The following GNA12 variants were observed in gnomAD, a reference collection of about 807,000 sequenced individuals.
GNA12 encodes guanine nucleotide-binding protein subunit alpha-12.
In GNA12, 9 loss-of-function variants were observed where a neutral mutation model predicts 26.0. That is an observed-to-expected ratio of 0.35 (90% CI 0.21 to 0.60). The LOEUF (loss-of-function observed/expected upper bound fraction) is 0.60, where lower values mean the gene tolerates loss of function less well. Ranked by LOEUF, GNA12 falls within the 20% of genes least tolerant of loss-of-function variation. The pLI, the probability that GNA12 is intolerant of heterozygous loss-of-function variation, is 0.78. For missense variants in GNA12, 405 were observed against 525.8 expected, an observed-to-expected ratio of 0.77 and a Z score of 2.25; for synonymous variants, 264 against 219.6, an observed-to-expected ratio of 1.20 and a Z score of -1.79.
At chr7:2,809,713 T>C (rs1028587005) in intron 1 of GNA12, among the ~76,000 whole-genome samples, 4 of 152,196 alleles carry the variant, frequency 2.6e-5, no homozygotes, top group African/African-American at 4.8e-5. Context: ...AACAGCTTAC[T>C]TTACTGTGGT....
rs113441680 is a variant in GNA12 at position 2,803,797 on chromosome 7, AC to A, written c.310-8655del. 3.4e-3 allele frequency among the ~76,000 whole-genome samples: 510 copies of A among 150,164 alleles called. 4 individuals are homozygous for A. Among genetic ancestry groups the A allele is most frequent in the African/African-American group, 9.8e-3 (403 of 41,124 alleles). On this transcript the variant is annotated intron_variant, in intron 1 of 3. Coordinates refer to ENST00000275364, the MANE Select transcript of GNA12 (RefSeq NM_007353.3). ...GAAAAGGTTTTCCTAAAAGTCCAAA[AC>A]AAAACAAAACAAAACAAACAAACAA...
intron 2 of GNA12, among the ~76,000 whole-genome samples, chr7:2,785,381 T>C (rs187731499): frequency 4.1e-4 from 63 of 152,236 alleles, no homozygotes; most frequent in Non-Finnish European, 4.4e-4. Context: ...TCAAATAGGA[T>C]TTGGTAGGGG....
rs57688537 is a variant in GNA12, at chr7:2,759,424, G to C, written c.526-25923C>G. ...ACTCACGGTGTGTTATTACTGTTCT[G>C]TCCATGTGACAGATGGGAAGACTGA... On this transcript the variant is annotated intron_variant, in intron 2 of 3. Coordinates refer to ENST00000275364, the MANE Select transcript of GNA12 (RefSeq NM_007353.3). 4.9e-3 allele frequency among the ~76,000 whole-genome samples: 748 copies of C among 152,242 alleles called. 4 individuals carry two copies. Among genetic ancestry groups the C allele is most frequent in the African/African-American group, 0.017 (687 of 41,538 alleles).
At chr7:2,818,607 A>C (rs1793269224) in intron 1 of GNA12, among the ~76,000 whole-genome samples, 1 of 152,162 alleles carries the variant, frequency 6.6e-6, no homozygotes, top group Non-Finnish European at 1.5e-5. Context: ...TAATAAAAAT[A>C]CAAACAATAT....
intron 1 of GNA12, among the ~76,000 whole-genome samples, chr7:2,824,558 C>A (rs1283856598): frequency 1.3e-5 from 2 of 152,178 alleles, no homozygotes; most frequent in Admixed American, 1.3e-4. Flanking sequence ...CCCTGTGGAT[C>A]GTCTGTTTCC....
intron 2 of GNA12, among the ~76,000 whole-genome samples, chr7:2,759,672 T>G (rs1791466811): frequency 6.6e-6 from 1 of 152,248 alleles, no homozygotes; most frequent in South Asian, 2.1e-4. Flanking sequence ...ACGCTGTGCC[T>G]ATTTTTTCAG....
At chr7:2,833,037 GA>G (rs1364070234) in intron 1 of GNA12, among the ~76,000 whole-genome samples, 1 of 152,236 alleles carries the variant, frequency 6.6e-6, no homozygotes, top group East Asian at 1.9e-4. Flanking sequence ...CTCACAGAGA[GA>G]AAGACTAACC....
At chr7:2,838,404 C>T (rs1182359866) in intron 1 of GNA12, among the ~76,000 whole-genome samples, 1 of 152,042 alleles carries the variant, frequency 6.6e-6, no homozygotes. Flanking sequence ...TAGTGGAACC[C>T]TATCTACAAA....
At chr7:2,842,937 GT>G (rs1404730039) in intron 1 of GNA12, among the ~76,000 whole-genome samples, 1 of 152,198 alleles carries the variant, frequency 6.6e-6, no homozygotes, top group Non-Finnish European at 1.5e-5. Context: ...GACTGCTTTA[GT>G]TGGGCTGTAG....
At chr7:2,737,274 G>GTTTTGTTTTGTTTTTTTTT (rs1790242698) in intron 2 of GNA12, among the ~76,000 whole-genome samples, 5 of 35,046 alleles carry the variant, frequency 1.4e-4, no homozygotes, top group African/African-American at 3.9e-4. Flanking sequence ...GTTTTGTTTT[G>GTTTTGTTTTGTTTTTTTTT]TTTTTTTTTT....
chr7:2,782,564 G>C (rs761229728), intron 2 of GNA12, among the ~76,000 whole-genome samples: 67 of 152,266 alleles, frequency 4.4e-4, no homozygotes, highest in African/African-American at 1.5e-3. Flanking sequence ...GTCACTCCTT[G>C]AAAGTTCACG....
At chr7:2,791,617 T>C (rs1305093579) in intron 2 of GNA12, among the ~76,000 whole-genome samples, 5 of 152,072 alleles carry the variant, frequency 3.3e-5, no homozygotes, top group Non-Finnish European at 7.4e-5. Context: ...GACTGTCAAA[T>C]GCTGTCAGCT....
chr7:2,751,210 C>G (rs1199634451), intron 2 of GNA12, among the ~76,000 whole-genome samples: 2 of 151,664 alleles, frequency 1.3e-5, no homozygotes, highest in Non-Finnish European at 2.9e-5. Context: ...ATGGTAAAAC[C>G]CCATCTTCTC....
chr7:2,742,566 T>G (rs1387316829), intron 2 of GNA12, among the ~76,000 whole-genome samples: 3 of 152,186 alleles, frequency 2.0e-5, no homozygotes, highest in Non-Finnish European at 4.4e-5. Flanking sequence ...CTTACTTTGG[T>G]GCTCAAAGTG....
At position 2,771,853 on chromosome 7, in the gene GNA12, C is replaced by CG. The variant is rs1034978220; in HGVS notation, c.525+23074dup. The stretch of plus-strand genomic sequence containing the variant: ...ATGTTTAACTTTTAAGAAAGTGCCC[C>CG]GCTTTTCCAAAGCAGGAGTACCATT... On this transcript the variant is annotated intron_variant, in intron 2 of 3. Transcript: ENST00000275364. Among the ~76,000 whole-genome samples the CG allele has an allele frequency of 2.0e-3, 300 of 152,288 alleles. 1 individual carries two copies. Among genetic ancestry groups the CG allele is most frequent in the African/African-American group, 6.4e-3 (267 of 41,562 alleles).
At chr7:2,835,639 A>G (rs1778816726) in intron 1 of GNA12, 2 of 848,666 alleles carry the variant, frequency 2.4e-6, no homozygotes, top group Non-Finnish European at 4.0e-6. Flanking sequence ...CACCATGAAG[A>G]AGACGGCTGC....
intron 1 of GNA12, among the ~76,000 whole-genome samples, chr7:2,834,401 T>G (rs972288543): frequency 6.6e-6 from 1 of 152,200 alleles, no homozygotes; most frequent in Non-Finnish European, 1.5e-5. Context: ...GCATTTACCA[T>G]GGTATCCATT....
intron 2 of GNA12, among the ~76,000 whole-genome samples, chr7:2,745,861 G>A (rs932914039): frequency 1.3e-5 from 2 of 152,078 alleles, no homozygotes; most frequent in African/African-American, 4.8e-5. Context: ...AAACGCAGGG[G>A]TTGCAATCCT....
At chr7:2,828,827 G>C (rs1318038426) in intron 1 of GNA12, among the ~76,000 whole-genome samples, 2 of 152,300 alleles carry the variant, frequency 1.3e-5, no homozygotes, top group African/African-American at 2.4e-5. Context: ...AGGCCAAGGT[G>C]GGTGGGTTGC....
Sources: allele counts gnomAD v4.1 joint callset (sites outside exome capture counted in the v4.1 genomes callset), GRCh38; gene constraint gnomAD v4.1.1; transcripts MANE v1.5; gene names NCBI Gene and HGNC (gene_info 2026-07-23, HGNC 2026-07-21).